WLS: variants seen among roughly 807,000 people sequenced by gnomAD.
WLS encodes the protein Wnt ligand secretion mediator, also known as protein wntless homolog.
Under a neutral mutation model 62.8 loss-of-function variants are expected in WLS, and 23 were observed. The ratio of observed to expected loss-of-function variants is 0.37; its 90% CI spans 0.26 to 0.52. The LOEUF (loss-of-function observed/expected upper bound fraction) is 0.52, where lower values mean the gene tolerates loss of function less well. WLS is among the 20% of genes least tolerant of loss of function. The pLI is 0.92. For missense variants in WLS, 615 were observed against 697.3 expected, an observed-to-expected ratio of 0.88 and a Z score of 1.33; for synonymous variants, 246 against 244.1, an observed-to-expected ratio of 1.01 and a Z score of -0.07.
intron 3 of WLS, 22 bp from the exon 4 acceptor site, chr1:68,155,282 T>C: frequency 6.3e-7 from 1 of 1,598,700 alleles, no homozygotes; most frequent in Non-Finnish European, 8.5e-7. Context: ...GCAGAGGGTT[T>C]GAGGCAGGGT....
chr1:68,158,138 T>C (rs1339129292), intron 3 of WLS, among the ~76,000 whole-genome samples: 2 of 152,196 alleles, frequency 1.3e-5, no homozygotes, highest in Non-Finnish European at 2.9e-5. Context: ...TTTAATAAAC[T>C]GAAGGCCTGT....
chr1:68,173,624 C>A (rs566492283), intron 2 of WLS, among the ~76,000 whole-genome samples: 4 of 152,200 alleles, frequency 2.6e-5, no homozygotes, highest in Non-Finnish European at 5.9e-5. Flanking sequence ...CAGGTCAGTT[C>A]TTCAAAGAGC....
chr1:68,102,758 G>C (rs1646095225), intron 11 of WLS: 2 of 152,198 alleles, frequency 1.3e-5, no homozygotes, highest in African/African-American at 4.8e-5. Context: ...TGCCCCTCTT[G>C]CCAGCTGACC....
chr1:68,190,740 C>T (rs1648244518), intron 2 of WLS, among the ~76,000 whole-genome samples: 1 of 152,152 alleles, frequency 6.6e-6, no homozygotes, highest in Non-Finnish European at 1.5e-5. Context: ...AGATTCTTGA[C>T]CCACAGAAAT....
At chr1:68,173,610 C>A (rs1647187119) in intron 2 of WLS, among the ~76,000 whole-genome samples, 1 of 152,144 alleles carries the variant, frequency 6.6e-6, no homozygotes, top group Non-Finnish European at 1.5e-5. Flanking sequence ...AAAGAAAAAA[C>A]ACACAGGTCA....
At chr1:68,152,586 G>A (rs1160015945) in intron 5 of WLS, among the ~76,000 whole-genome samples, 1 of 152,208 alleles carries the variant, frequency 6.6e-6, no homozygotes, top group Non-Finnish European at 1.5e-5. Context: ...GACTATGAAG[G>A]TTGTTGGTGA....
chr1:68,207,987 T>C (rs575226562), intron 1 of WLS, among the ~76,000 whole-genome samples: 28 of 152,328 alleles, frequency 1.8e-4, no homozygotes, highest in African/African-American at 5.3e-4. Context: ...TCATCAATAT[T>C]TAAGGAACTA....
intron 2 of WLS, among the ~76,000 whole-genome samples, chr1:68,187,988 T>C (rs1405834685): frequency 6.6e-6 from 1 of 152,216 alleles, no homozygotes; most frequent in Non-Finnish European, 1.5e-5. Flanking sequence ...ATGATTCTGA[T>C]GCCAAGTTTT....
rs200864216 is a variant in WLS, at chr1:68,174,937, C to T, written c.380-15690G>A. ...AGTAAGATAAGGGCTGTGTTACTAA[C>T]TGCTGAGTTAATCAACCCAAACTCC... On this transcript the variant is annotated intron_variant, in intron 2 of 11. Coordinates refer to ENST00000262348, the MANE Select transcript of WLS (RefSeq NM_024911.7). 5.3e-5 allele frequency among the ~76,000 whole-genome samples: 8 copies of T among 152,298 alleles called. No individual in the cohort carries two copies. The East Asian group carries it at 1.5e-3, about 29-fold the overall frequency.
At chr1:68,126,410 C>T in intron 11 of WLS, 75 bp from the exon 12 acceptor site, 4 of 1,578,146 alleles carry the variant, frequency 2.5e-6, no homozygotes, top group South Asian at 2.3e-5. Context: ...TCATGGACAA[C>T]TGCCCTGATG....
chr1:68,098,775 A>G (rs763601551), intron 11 of WLS: 57 of 1,607,496 alleles, frequency 3.5e-5, no homozygotes, highest in Non-Finnish European at 4.7e-5. Flanking sequence ...AGTATATTTT[A>G]AAACCATGCA....
chr1:68,139,974 A>G lies in WLS; in HGVS notation c.1363-2041T>C, dbSNP rs559796945. On this transcript the variant is annotated intron_variant, in intron 10 of 11. Transcript: ENST00000262348. ...TTCATTTAAAACATTGCTTTCCGTT[A>G]TACTTATTTAAAATAAGTGGTTAAC... Among the ~76,000 whole-genome samples, 3 of 152,384 alleles carry G rather than the reference A, an allele frequency of 2.0e-5. No individual in the cohort carries two copies. The East Asian group carries it at 5.8e-4, about 29-fold the overall frequency.
chr1:68,173,406 G>A (rs1346626899), intron 2 of WLS, among the ~76,000 whole-genome samples: 4 of 137,946 alleles, frequency 2.9e-5, no homozygotes, highest in Non-Finnish European at 6.6e-5. Context: ...ATCTACCTGC[G>A]TGCCCCTCTC....
At chr1:68,147,479 C>G (rs114254757) in intron 8 of WLS, among the ~76,000 whole-genome samples, 1 of 152,172 alleles carries the variant, frequency 6.6e-6, no homozygotes, top group Admixed American at 6.5e-5. Flanking sequence ...CAACCCAAGC[C>G]TTTCTCTCCA....
In WLS at chr1:68,159,128, G is replaced by C; in HGVS notation, c.499C>G (p.Pro167Ala). The C allele has an allele frequency of 6.2e-7, 1 of 1,614,002 alleles. No homozygotes were observed. The highest frequency in any genetic ancestry group is 8.5e-7 in the Non-Finnish European group (1 of 1,179,974). Residue 167 changes from proline to alanine, a missense_variant, in exon 3 of 12, where the codon CCC becomes GCC. Coordinates refer to ENST00000262348, the MANE Select transcript of WLS (RefSeq NM_024911.7). ...TAGACAGCAAGGGGTCATACCTTGG[G>C]AGATGTGAAGGTGCATTTGAGTTTC... ...PRKLKCTFTS[P>A]KTPEHEGRYY...
At chr1:68,169,599 T>C (rs188737461) in intron 2 of WLS, among the ~76,000 whole-genome samples, 20 of 152,278 alleles carry the variant, frequency 1.3e-4, no homozygotes, top group Non-Finnish European at 2.6e-4. Flanking sequence ...ACCACCAAAT[T>C]TGGTCAACTC....
intron 2 of WLS, among the ~76,000 whole-genome samples, chr1:68,164,888 A>G (rs190744211): frequency 4.7e-4 from 71 of 152,276 alleles, no homozygotes; most frequent in Non-Finnish European, 9.1e-4. Flanking sequence ...GAAGAGCAAG[A>G]GTCTGTAGAA....
chr1:68,190,785 C>T (rs1480978133), intron 2 of WLS, among the ~76,000 whole-genome samples: 5 of 152,130 alleles, frequency 3.3e-5, no homozygotes, highest in Non-Finnish European at 5.9e-5. Flanking sequence ...TGGCCAGGCA[C>T]GGTGGCTCAC....
chr1:68,225,252 TTTTC>T (rs1557530820), intron 1 of WLS, among the ~76,000 whole-genome samples: 4 of 152,066 alleles, frequency 2.6e-5, no homozygotes, highest in Admixed American at 6.5e-5. Flanking sequence ...TACATCATTA[TTTTC>T]TTTAATTTAG....
Sources: allele counts gnomAD v4.1 joint callset (sites outside exome capture counted in the v4.1 genomes callset), GRCh38; gene constraint gnomAD v4.1.1; transcripts MANE v1.5; gene names NCBI Gene and HGNC (gene_info 2026-07-23, HGNC 2026-07-21).